The following CTNND2 variants were observed in gnomAD, a reference collection of about 807,000 sequenced individuals.
CTNND2 encodes catenin delta 2, also known as catenin delta-2.
A neutral mutation model predicts 144.4 loss-of-function variants in CTNND2; 22 were observed. That is an observed-to-expected ratio of 0.15 (90% CI 0.11 to 0.22). The LOEUF is 0.22. Among genes scored for constraint, CTNND2 ranks in the 10% least tolerant of loss-of-function variants. The pLI is 1.00. For synonymous variants in CTNND2, 751 were observed against 695.6 expected, an observed-to-expected ratio of 1.08 and a Z score of -1.25; for missense variants, 1,353 against 1,618.8, an observed-to-expected ratio of 0.84 and a Z score of 2.82.
At chr5:11,338,064 C>T (rs977247434) in intron 9 of CTNND2, among the ~76,000 whole-genome samples, 4 of 152,070 alleles carry the variant, frequency 2.6e-5, no homozygotes, top group South Asian at 2.1e-4. Context: ...AGCTAAGTGA[C>T]CCAGGACATC....
intron 3 of CTNND2, among the ~76,000 whole-genome samples, chr5:11,563,018 C>T (rs1776800411): frequency 6.6e-6 from 1 of 152,216 alleles, no homozygotes; most frequent in Non-Finnish European, 1.5e-5. Flanking sequence ...GCCACCATTG[C>T]CAAGCACCCA....
chr5:11,545,616 T>C (rs1775164866), intron 3 of CTNND2, among the ~76,000 whole-genome samples: 1 of 121,056 alleles, frequency 8.3e-6, no homozygotes, highest in Non-Finnish European at 1.6e-5. Context: ...TGAGCCGAGA[T>C]CACACCATTG....
intron 9 of CTNND2, among the ~76,000 whole-genome samples, chr5:11,262,898 A>G (rs1745059313): frequency 6.6e-6 from 1 of 152,044 alleles, no homozygotes; most frequent in Non-Finnish European, 1.5e-5. Context: ...TTTCAACAAC[A>G]TAGGCTTTTA....
intron 7 of CTNND2, among the ~76,000 whole-genome samples, chr5:11,369,405 G>A (rs968983589): frequency 2.0e-5 from 3 of 152,198 alleles, no homozygotes; most frequent in Admixed American, 6.5e-5. Flanking sequence ...ATGGCTCACC[G>A]CCTTGTGTCT....
chr5:11,427,196 G>A (rs1008728158), intron 3 of CTNND2, among the ~76,000 whole-genome samples: 1 of 151,720 alleles, frequency 6.6e-6, no homozygotes, highest in African/African-American at 2.4e-5. Context: ...ACACTATGAC[G>A]AGTTGAGAGC....
intron 1 of CTNND2, among the ~76,000 whole-genome samples, chr5:11,809,374 G>T (rs61761652): frequency 6.6e-6 from 1 of 152,238 alleles, no homozygotes; most frequent in East Asian, 1.9e-4. Context: ...GCAATACATT[G>T]GTGGGATTCT....
intron 1 of CTNND2, among the ~76,000 whole-genome samples, chr5:11,751,801 C>T (rs531696647): frequency 1.3e-5 from 2 of 152,020 alleles, no homozygotes; most frequent in East Asian, 3.9e-4. Context: ...CTGCTTACTA[C>T]AATGGCTGAA....
intron 9 of CTNND2, among the ~76,000 whole-genome samples, chr5:11,304,339 CTCTT>C (rs1162531017): frequency 1.3e-5 from 2 of 151,382 alleles, no homozygotes; most frequent in Non-Finnish European, 1.5e-5. Context: ...CACACACACA[CTCTT>C]TCTCTCTCTC....
At chr5:11,566,757 C>T (rs182585777) in intron 2 of CTNND2, among the ~76,000 whole-genome samples, 198 of 152,308 alleles carry the variant, frequency 1.3e-3, no homozygotes, top group African/African-American at 4.5e-3. Context: ...TGGTCATCCC[C>T]GCTTCAGGTG....
chr5:11,269,676 G>A (rs1580757042), intron 9 of CTNND2, among the ~76,000 whole-genome samples: 2 of 152,298 alleles, frequency 1.3e-5, no homozygotes, highest in East Asian at 3.9e-4. Flanking sequence ...TGGCATAAAT[G>A]TCAATATTCA....
At chr5:11,608,714 C>T (rs1244363234) in intron 2 of CTNND2, among the ~76,000 whole-genome samples, 1 of 152,142 alleles carries the variant, frequency 6.6e-6, no homozygotes, top group Non-Finnish European at 1.5e-5. Context: ...CATCTTGCAC[C>T]CCCTGACACC....
At chr5:11,052,142 C>T (rs1438505665) in intron 16 of CTNND2, among the ~76,000 whole-genome samples, 1 of 152,126 alleles carries the variant, frequency 6.6e-6, no homozygotes, top group Admixed American at 6.5e-5. Context: ...AGCCAAAGGG[C>T]TGTTAGATGG....
chr5:11,276,124 C>A (rs989373791), intron 9 of CTNND2, among the ~76,000 whole-genome samples: 1 of 152,084 alleles, frequency 6.6e-6, no homozygotes, highest in African/African-American at 2.4e-5. Flanking sequence ...TTTTGTAGAC[C>A]TCAGTGAGGA....
At chr5:11,097,742 A>G (rs1459452996) in intron 15 of CTNND2, among the ~76,000 whole-genome samples, 2 of 152,162 alleles carry the variant, frequency 1.3e-5, no homozygotes, top group African/African-American at 4.8e-5. Context: ...GGATGAAAAT[A>G]AATGTAAAGG....
chr5:11,879,376 A>ATATATATATATATGT, intron 1 of CTNND2, among the ~76,000 whole-genome samples: 1 of 80,574 alleles, frequency 1.2e-5, no homozygotes, highest in Admixed American at 1.3e-4. Flanking sequence ...CACACACACA[A>ATATATATATATATGT]ACATATACAT....
At chr5:11,508,019 G>C (rs552801042) in intron 3 of CTNND2, among the ~76,000 whole-genome samples, 1 of 151,586 alleles carries the variant, frequency 6.6e-6, no homozygotes, top group South Asian at 2.1e-4. Flanking sequence ...ATTAGCTGCA[G>C]AGAAAAGCAG....
chr5:11,636,034 AC>A (rs1781683364), intron 2 of CTNND2, among the ~76,000 whole-genome samples: 1 of 75,554 alleles, frequency 1.3e-5, no homozygotes, highest in East Asian at 5.0e-4. Context: ...ATCCCCCCCC[AC>A]CCCCGCCACA....
intron 3 of CTNND2, among the ~76,000 whole-genome samples, chr5:11,457,086 CTTAT>C (rs1183842910): frequency 6.6e-6 from 1 of 152,160 alleles, no homozygotes; most frequent in Non-Finnish European, 1.5e-5. Context: ...TAATTTTCAC[CTTAT>C]TTATTTCTTT....
chr5:11,808,543 T>C (rs750471932), intron 1 of CTNND2, among the ~76,000 whole-genome samples: 5 of 152,372 alleles, frequency 3.3e-5, no homozygotes, highest in South Asian at 2.1e-4. Context: ...TGAAGTGCTT[T>C]TCATAGCTGC....
Sources: allele counts gnomAD v4.1 joint callset (sites outside exome capture counted in the v4.1 genomes callset), GRCh38; gene constraint gnomAD v4.1.1; transcripts MANE v1.5; gene names NCBI Gene and HGNC (gene_info 2026-07-23, HGNC 2026-07-21).